The following MID1 variants were observed in gnomAD, a reference collection of about 807,000 sequenced individuals.
MID1 encodes the protein E3 ubiquitin-protein ligase Midline-1.
Under a neutral mutation model 40.4 loss-of-function variants are expected in MID1, and 7 were observed. That is an observed-to-expected ratio of 0.17 (90% CI 0.10 to 0.33). The LOEUF (loss-of-function observed/expected upper bound fraction) is 0.33, where lower values mean the gene tolerates loss of function less well. Ranked by LOEUF, MID1 falls within the 10% of genes least tolerant of loss-of-function variation. The pLI, the probability that MID1 is intolerant of heterozygous loss-of-function variation, is 1.00. For synonymous variants in MID1, 229 were observed against 221.2 expected (o/e 1.04, Z -0.31); for missense variants, 367 against 558.5 (o/e 0.66, Z 3.46).
chrX:10,579,397 C>G (rs1192848598), intron 1 of MID1, among the ~76,000 whole-genome samples: 2 of 111,643 alleles, frequency 1.8e-5, no homozygotes, highest in African/African-American at 6.5e-5. Context: ...TTATTACCAA[C>G]CAGGAGCAAA....
chrX:10,482,522 T>C lies in MID1; in HGVS notation c.971A>G (p.Asp324Gly). 1.7e-6 allele frequency: 2 copies of C among 1,210,741 alleles called. No individual in the cohort carries two copies. ...AGCAGTCTGTAGGAAACGCGCATGA[T>C]CATTCTCCTTCAGAGAGTGTTCCGC... Reference protein sequence around the residue: ...SQAEHSLKENDHARFLQTAKN... With the variant: ...SQAEHSLKENGHARFLQTAKN... Residue 324 changes from aspartate (D) to glycine (G), a missense_variant, in exon 5 of 10, where the codon GAT (aspartate) becomes GGT (glycine). This residue lies in a region of MID1 where 275 missense variants were observed against 383.1 expected (regional missense o/e 0.72). Transcript: ENST00000317552.
intron 1 of MID1, among the ~76,000 whole-genome samples, chrX:10,721,825 T>C (rs2043357523): frequency 9.0e-6 from 1 of 111,050 alleles, no homozygotes; most frequent in African/African-American, 3.3e-5. Flanking sequence ...TCCCAGATAT[T>C]TGAGAGGCTG....
intron 1 of MID1, among the ~76,000 whole-genome samples, chrX:10,651,445 T>C (rs141381330): frequency 1.8e-5 from 2 of 112,349 alleles, no homozygotes; most frequent in East Asian, 5.6e-4. Context: ...TTGCAGTAGT[T>C]TCTACCTATA....
At chrX:10,457,697 A>G (rs747657342) in intron 8 of MID1, among the ~76,000 whole-genome samples, 4 of 112,396 alleles carry the variant, frequency 3.6e-5, no homozygotes, top group African/African-American at 1.3e-4. Flanking sequence ...TCATTGGTAT[A>G]CAAAGAAACT....
chrX:10,746,987 G>GT (rs199817164), intron 1 of MID1, among the ~76,000 whole-genome samples: 6,904 of 111,004 alleles, frequency 0.062, 537 homozygotes, highest in African/African-American at 0.21. Flanking sequence ...TGAAAATAGC[G>GT]TGAGTTGCTA....
At chrX:10,825,871 T>C (rs2044212534) in intron 1 of MID1, among the ~76,000 whole-genome samples, 1 of 111,790 alleles carries the variant, frequency 8.9e-6, no homozygotes. Context: ...TTGTGGGTTA[T>C]AATGGTAACT....
At chrX:10,566,166 G>A (rs1396533292) in intron 2 of MID1, among the ~76,000 whole-genome samples, 4 of 111,146 alleles carry the variant, frequency 3.6e-5, no homozygotes, top group Admixed American at 2.9e-4. Flanking sequence ...CCCCCAAGCT[G>A]GAGTTAGGTT....
intron 2 of MID1, among the ~76,000 whole-genome samples, chrX:10,546,103 G>A (rs754186509): frequency 1.1e-4 from 12 of 107,313 alleles, no homozygotes; most frequent in Non-Finnish European, 2.3e-4. Context: ...GCCCCATGAG[G>A]TTGCCTCCTT....
intron 1 of MID1, among the ~76,000 whole-genome samples, chrX:10,689,699 T>G (rs2043120988): frequency 1.0e-5 from 1 of 97,051 alleles, no homozygotes; most frequent in Non-Finnish European, 2.0e-5. Context: ...TGTTGTAGAT[T>G]TTTTTTTTTT....
intron 1 of MID1, among the ~76,000 whole-genome samples, chrX:10,628,279 T>C (rs180807829): frequency 3.6e-5 from 4 of 110,729 alleles, no homozygotes; most frequent in Non-Finnish European, 7.6e-5. Flanking sequence ...AATGCAAACA[T>C]GGGTATCAGT....
At chrX:10,622,969 T>A (rs1935950927), upstream of MID1, among the ~76,000 whole-genome samples, 1 of 108,226 alleles carries the variant, frequency 9.2e-6, no homozygotes, top group African/African-American at 3.4e-5. Context: ...TGAGGCCCGG[T>A]GAGGTGGCTC....
chrX:10,465,496 ACAAAGG>A (rs1174163477), intron 7 of MID1, among the ~76,000 whole-genome samples: 1 of 110,199 alleles, frequency 9.1e-6, no homozygotes, highest in Non-Finnish European at 1.9e-5. Context: ...ACATTATATG[ACAAAGG>A]CGAAGGCGAA....
At chrX:10,654,810 T>G (rs1318141348) in intron 1 of MID1, among the ~76,000 whole-genome samples, 1 of 112,191 alleles carries the variant, frequency 8.9e-6, no homozygotes, top group Non-Finnish European at 1.9e-5. Context: ...CAGTGGGGAC[T>G]GGAGGGACAA....
At chrX:10,497,593 G>A (rs1373017648) in intron 3 of MID1, among the ~76,000 whole-genome samples, 1 of 111,597 alleles carries the variant, frequency 9.0e-6, no homozygotes, top group African/African-American at 3.3e-5. Flanking sequence ...CTGCTCCTTG[G>A]CTGTAAATCC....
chrX:10,822,222 CA>C (rs770975116), intron 1 of MID1, among the ~76,000 whole-genome samples: 49 of 111,242 alleles, frequency 4.4e-4, no homozygotes, highest in South Asian at 1.1e-3. Context: ...ACAAACCTGA[CA>C]AAAACAAACA....
intron 1 of MID1, among the ~76,000 whole-genome samples, chrX:10,818,294 T>C (rs1277151088): frequency 8.9e-6 from 1 of 112,556 alleles, no homozygotes; most frequent in Non-Finnish European, 1.9e-5. Flanking sequence ...AATCACTAAC[T>C]ATTTTAGTAC....
chrX:10,734,085 C>A (rs758025686), intron 1 of MID1, among the ~76,000 whole-genome samples: 1 of 112,089 alleles, frequency 8.9e-6, no homozygotes, highest in Non-Finnish European at 1.9e-5. Flanking sequence ...GACATGTGCA[C>A]GCAAATGTTC....
At chrX:10,604,320 C>T (rs1350603843) in intron 1 of MID1, among the ~76,000 whole-genome samples, 3 of 111,165 alleles carry the variant, frequency 2.7e-5, no homozygotes, top group South Asian at 3.8e-4. Context: ...TAGACAAGAG[C>T]GGCATGAGAA....
Position 10,729,867 on chromosome X carries a change from A to G in MID1, c.-187+103687T>C, listed in dbSNP as rs201728870. On this transcript the variant is annotated intron_variant, in intron 1 of 10. Transcript: ENST00000380785. ...TGGGAGGCTGAGGCGGGCGGATCAC[A>G]AGGTCAGGAGATCGAAACCATCCTG... 3.6e-5 allele frequency among the ~76,000 whole-genome samples: 4 copies of G among 110,692 alleles called. No individual in the cohort carries two copies. In the East Asian group the frequency reaches 1.1e-3, roughly 31 times the overall value.
Sources: allele counts gnomAD v4.1 joint callset (sites outside exome capture counted in the v4.1 genomes callset), GRCh38; gene constraint gnomAD v4.1.1; regional missense constraint gnomAD v4.1.1; transcripts MANE v1.5; gene names NCBI Gene and HGNC (gene_info 2026-07-23, HGNC 2026-07-21).